The following CCDC148 variants were observed in gnomAD, a reference collection of about 807,000 sequenced individuals.
CCDC148 encodes coiled-coil domain containing 148.
Under a neutral mutation model 85.7 loss-of-function variants are expected in CCDC148, and 89 were observed. The observed-to-expected ratio is 1.04, with a 90% CI of 0.87 to 1.24. The LOEUF (loss-of-function observed/expected upper bound fraction) is 1.24. Among genes scored for constraint, CCDC148 ranks in the 50% most tolerant of loss-of-function variants. The probability of loss-of-function intolerance (pLI) is 0.00; values close to 1 mark genes in which losing one functional copy is unlikely to be tolerated. For synonymous variants in CCDC148, 230 were observed against 213.9 expected (o/e 1.08, Z -0.66); for missense variants, 692 against 671.7 (o/e 1.03, Z -0.33).
chr2:158,225,111 C>G (rs1216926512), intron 10 of CCDC148, among the ~76,000 whole-genome samples: 2 of 152,148 alleles, frequency 1.3e-5, no homozygotes, highest in East Asian at 1.9e-4. Context: ...GGAGGAAGAT[C>G]TACCAAGCAA....
intron 2 of CCDC148, among the ~76,000 whole-genome samples, chr2:158,357,593 A>T (rs996238822): frequency 1.3e-5 from 2 of 152,224 alleles, no homozygotes; most frequent in African/African-American, 2.4e-5. Flanking sequence ...TTCCCATAAC[A>T]TTAACTTATT....
intron 2 of CCDC148, among the ~76,000 whole-genome samples, chr2:158,353,197 T>C (rs1312017521): frequency 6.7e-5 from 7 of 104,152 alleles, no homozygotes; most frequent in Admixed American, 6.1e-4. Flanking sequence ...GCTAACATCA[T>C]AATGACAGGA....
chr2:158,422,838 T>C (rs539722195), intron 1 of CCDC148, among the ~76,000 whole-genome samples: 1 of 150,898 alleles, frequency 6.6e-6, no homozygotes. Context: ...GAAAACCCCA[T>C]TGTTTCAGCC....
At chr2:158,228,970 A>AC (rs1022726315) in intron 10 of CCDC148, among the ~76,000 whole-genome samples, 3 of 85,556 alleles carry the variant, frequency 3.5e-5, no homozygotes, top group African/African-American at 1.5e-4. Flanking sequence ...AACAAAACAA[A>AC]AAAAAAAAGA....
At chr2:158,343,753 T>A (rs1682857302) in intron 3 of CCDC148, among the ~76,000 whole-genome samples, 1 of 152,200 alleles carries the variant, frequency 6.6e-6, no homozygotes, top group South Asian at 2.1e-4. Flanking sequence ...CTCTAACTTA[T>A]CTCCTATTGC....
chr2:158,382,426 T>C (rs1240057838), intron 1 of CCDC148, among the ~76,000 whole-genome samples: 1 of 152,136 alleles, frequency 6.6e-6, no homozygotes, highest in Non-Finnish European at 1.5e-5. Flanking sequence ...TAGAAAATGA[T>C]GCTTCTAGTC....
intron 2 of CCDC148, among the ~76,000 whole-genome samples, chr2:158,357,280 TA>T (rs549035789): frequency 0.015 from 2,292 of 148,876 alleles, 26 homozygotes; most frequent in Middle Eastern, 0.079. Context: ...CTGGGTGGCT[TA>T]AAAAAAAACA....
intron 8 of CCDC148, among the ~76,000 whole-genome samples, chr2:158,313,059 TAA>T (rs375836782): frequency 5.3e-5 from 8 of 152,242 alleles, no homozygotes; most frequent in African/African-American, 1.7e-4. Context: ...ACTTAAAAAT[TAA>T]AAGTCTGTGT....
chr2:158,448,774 CTTCT>C (rs1361714307), intron 1 of CCDC148, among the ~76,000 whole-genome samples: 1 of 152,020 alleles, frequency 6.6e-6, no homozygotes, highest in Non-Finnish European at 1.5e-5. Flanking sequence ...TAAATATTGT[CTTCT>C]TTCTCATGTT....
At chr2:158,344,521 T>C (rs1198272809) in intron 3 of CCDC148, among the ~76,000 whole-genome samples, 1 of 152,098 alleles carries the variant, frequency 6.6e-6, no homozygotes, top group Non-Finnish European at 1.5e-5. Context: ...AAGCACACTT[T>C]ATAAATATCA....
chr2:158,300,427 T>C (rs1559054090), intron 9 of CCDC148, among the ~76,000 whole-genome samples: 1 of 152,178 alleles, frequency 6.6e-6, no homozygotes, highest in Non-Finnish European at 1.5e-5. Context: ...GACATAATCA[T>C]AATCACAGGC....
At chr2:158,275,457 C>T (rs533459047) in intron 9 of CCDC148, among the ~76,000 whole-genome samples, 1 of 152,162 alleles carries the variant, frequency 6.6e-6, no homozygotes, top group Non-Finnish European at 1.5e-5. Flanking sequence ...CCATTTGCTT[C>T]TAGGTAATAA....
chr2:158,332,957 TTTG>T (rs1261540639), intron 7 of CCDC148, among the ~76,000 whole-genome samples: 2 of 152,146 alleles, frequency 1.3e-5, no homozygotes, highest in African/African-American at 2.4e-5. Flanking sequence ...GTCTATTTAT[TTTG>T]TTAATCTTTT....
At chr2:158,417,708 T>G (rs1686566105) in intron 1 of CCDC148, among the ~76,000 whole-genome samples, 2 of 152,178 alleles carry the variant, frequency 1.3e-5, no homozygotes, top group African/African-American at 2.4e-5. Flanking sequence ...CCCCCATAAA[T>G]TAAGCTTGTC....
At chr2:158,446,246 T>A (rs1001314526) in intron 1 of CCDC148, among the ~76,000 whole-genome samples, 2 of 152,012 alleles carry the variant, frequency 1.3e-5, no homozygotes, top group African/African-American at 4.8e-5. Context: ...TCCCAGCTAC[T>A]CAGGAGGCTG....
intron 10 of CCDC148, among the ~76,000 whole-genome samples, chr2:158,230,834 T>C (rs375271404): frequency 8.2e-4 from 125 of 152,206 alleles, no homozygotes; most frequent in African/African-American, 2.7e-3. Flanking sequence ...AGAGGGCTCA[T>C]TGAAAGATTC....
intron 1 of CCDC148, among the ~76,000 whole-genome samples, chr2:158,398,847 T>C (rs975761059): frequency 6.6e-6 from 1 of 151,986 alleles, no homozygotes; most frequent in Non-Finnish European, 1.5e-5. Context: ...GCTGGTTTTT[T>C]GAAAAGATCA....
intron 1 of CCDC148, among the ~76,000 whole-genome samples, 161 bp from the exon 2 acceptor site, chr2:158,358,731 C>T (rs953491940): frequency 2.0e-4 from 30 of 151,566 alleles, no homozygotes; most frequent in Non-Finnish European, 2.9e-5. Context: ...TATTTGAGGC[C>T]TCTATTTCTA....
At chr2:158,450,023 C>T (rs756005726) in intron 1 of CCDC148, among the ~76,000 whole-genome samples, 4 of 148,470 alleles carry the variant, frequency 2.7e-5, no homozygotes, top group Admixed American at 1.4e-4. Context: ...AAATTAACTA[C>T]AGACAAATGT....
Sources: allele counts gnomAD v4.1 joint callset (sites outside exome capture counted in the v4.1 genomes callset), GRCh38; gene constraint gnomAD v4.1.1; transcripts MANE v1.5; gene names NCBI Gene and HGNC (gene_info 2026-07-23, HGNC 2026-07-21).